LIPA: variants seen among roughly 807,000 people sequenced by gnomAD.
The protein encoded by LIPA is lipase A, lysosomal acid type, also known as lysosomal acid lipase/cholesteryl ester hydrolase.
Under a neutral mutation model 40.6 loss-of-function variants are expected in LIPA, and 26 were observed. The observed-to-expected ratio is 0.64, with a 90% CI of 0.47 to 0.89. The LOEUF (loss-of-function observed/expected upper bound fraction) is 0.89. Ranked by LOEUF, LIPA falls within the 40% of genes least tolerant of loss-of-function variation. The pLI, the probability that LIPA is intolerant of heterozygous loss-of-function variation, is 0.00. For synonymous variants in LIPA, 188 were observed against 168.4 expected (o/e 1.12, Z -0.90); for missense variants, 455 against 479.6 (o/e 0.95, Z 0.48).
intron 2 of LIPA, among the ~76,000 whole-genome samples, chr10:89,246,331 T>C (rs2133465683): frequency 6.6e-6 from 1 of 152,270 alleles, no homozygotes; most frequent in South Asian, 2.1e-4. Context: ...TAAGGAAGGA[T>C]TCATGGGACA....
At chr10:89,230,717 G>A (rs1325019484) in intron 3 of LIPA, among the ~76,000 whole-genome samples, 1 of 152,178 alleles carries the variant, frequency 6.6e-6, no homozygotes, top group Admixed American at 6.5e-5. Context: ...ATTCCCTGAA[G>A]AGTAGAAATG....
chr10:89,314,943 C>T (rs2133528711), intron 1 of LIPA, among the ~76,000 whole-genome samples: 1 of 152,310 alleles, frequency 6.6e-6, no homozygotes, highest in South Asian at 2.1e-4. Context: ...TCTCTGAACT[C>T]CAAAGCAGAA....
intron 2 of LIPA, among the ~76,000 whole-genome samples, chr10:89,354,047 C>T (rs1404823385): frequency 6.6e-6 from 1 of 152,192 alleles, no homozygotes; most frequent in Non-Finnish European, 1.5e-5. Flanking sequence ...TTGCCTCAAT[C>T]TCTCTCTTTG....
intron 2 of LIPA, among the ~76,000 whole-genome samples, chr10:89,395,309 A>G (rs1043280343): frequency 6.6e-6 from 1 of 151,378 alleles, no homozygotes; most frequent in African/African-American, 2.4e-5. Context: ...CAGGAAACCC[A>G]CCTAGGTAAC....
intron 1 of LIPA, among the ~76,000 whole-genome samples, chr10:89,270,394 G>A (rs146229634): frequency 5.1e-4 from 78 of 152,300 alleles, no homozygotes; most frequent in African/African-American, 1.8e-3. Flanking sequence ...AAGTAAGCAG[G>A]AAATAGCAAG....
chr10:89,228,202 G>T lies in LIPA; in HGVS notation c.426C>A (p.Phe142Leu), dbSNP rs1386592782. Residue 142 changes from phenylalanine to leucine, a missense_variant and splice_region_variant, in exon 4 of 10, where the codon TTC becomes TTA. Transcript: ENST00000336233. ...TGCCATTATCAATTCATATATACCTGAAAGCCCAGAATTCATCCTGAGAAA... is the reference window on the plus strand; with the variant it reads ...TGCCATTATCAATTCATATATACCTTAAAGCCCAGAATTCATCCTGAGAAA... ...LSVSQDEFWA[F>L]SYDEMAKYDL... The T allele has an allele frequency of 6.2e-7, 1 of 1,613,196 alleles. No individual in the cohort carries two copies. The highest frequency in any genetic ancestry group is 8.5e-7 in the Non-Finnish European group (1 of 1,179,190).
At chr10:89,403,274 G>A in intron 2 of LIPA, 1 of 1,614,066 alleles carries the variant, frequency 6.2e-7, no homozygotes, top group Non-Finnish European at 8.5e-7. Context: ...AATCTGCAGT[G>A]GAAAAAAAGC....
chr10:89,322,573 C>T (rs1230078632), intron 1 of LIPA, among the ~76,000 whole-genome samples: 1 of 134,702 alleles, frequency 7.4e-6, no homozygotes, highest in Admixed American at 7.6e-5. Context: ...CCACCCCCGA[C>T]CCCACCACCG....
intron 2 of LIPA, among the ~76,000 whole-genome samples, chr10:89,373,701 G>A (rs1213260275): frequency 1.3e-5 from 2 of 152,204 alleles, no homozygotes; most frequent in East Asian, 3.8e-4. Flanking sequence ...ATTAGTCTCT[G>A]ATCCAAAGCA....
chr10:89,399,103 T>C (rs4933505), intron 2 of LIPA, among the ~76,000 whole-genome samples: 2,174 of 152,318 alleles, frequency 0.014, 19 homozygotes, highest in Middle Eastern at 0.044. Context: ...GTGGTTTTTA[T>C]TTGCATTTCA....
At chr10:89,367,166 G>A (rs887903614) in intron 2 of LIPA, among the ~76,000 whole-genome samples, 2 of 140,462 alleles carry the variant, frequency 1.4e-5, no homozygotes, top group Admixed American at 7.1e-5. Flanking sequence ...CACACACCGG[G>A]GCCTGTCGTG....
chr10:89,395,871 G>A (rs1369086336), intron 2 of LIPA, among the ~76,000 whole-genome samples: 2 of 151,200 alleles, frequency 1.3e-5, no homozygotes, highest in East Asian at 1.9e-4. Context: ...TTCATTTAGT[G>A]TAGTGTTGTC....
chr10:89,373,059 C>A (rs546092090), intron 2 of LIPA, among the ~76,000 whole-genome samples: 1 of 152,090 alleles, frequency 6.6e-6, no homozygotes, highest in Non-Finnish European at 1.5e-5. Flanking sequence ...TGGGGCCGGA[C>A]GCGGTGGCTC....
At chr10:89,386,766 A>T (rs1173269756) in intron 2 of LIPA, among the ~76,000 whole-genome samples, 1 of 152,248 alleles carries the variant, frequency 6.6e-6, no homozygotes, top group Non-Finnish European at 1.5e-5. Flanking sequence ...TCTTGGCTGA[A>T]TTCATCACAA....
chr10:89,245,553 A>T (rs1843012534), intron 3 of LIPA, 123 bp downstream of exon 3: 1 of 747,140 alleles, frequency 1.3e-6, no homozygotes, highest in Admixed American at 1.8e-5. Context: ...GCAAACCTCA[A>T]CACAGTTAGT....
chr10:89,287,407 T>C (rs559214795), intron 1 of LIPA, among the ~76,000 whole-genome samples: 1 of 152,312 alleles, frequency 6.6e-6, no homozygotes, highest in Admixed American at 6.5e-5. Flanking sequence ...CAACATTCTT[T>C]TATGCACCCT....
At chr10:89,410,695 T>C (rs1169942238) in intron 2 of LIPA, among the ~76,000 whole-genome samples, 1 of 152,160 alleles carries the variant, frequency 6.6e-6, no homozygotes, top group African/African-American at 2.4e-5. Context: ...CATGCTGCAA[T>C]ATGGAAAGAA....
chr10:89,351,234 T>G (rs749741165), intron 2 of LIPA, among the ~76,000 whole-genome samples: 8 of 152,176 alleles, frequency 5.3e-5, no homozygotes, highest in Non-Finnish European at 1.2e-4. Context: ...GAAGACGGCT[T>G]GAGCCCAGGA....
intron 2 of LIPA, among the ~76,000 whole-genome samples, chr10:89,357,666 G>A (rs914581591): frequency 3.3e-5 from 5 of 152,224 alleles, no homozygotes; most frequent in South Asian, 2.1e-4. Context: ...AGGTTTGAGA[G>A]GAGCTGAATG....
Sources: allele counts gnomAD v4.1 joint callset (sites outside exome capture counted in the v4.1 genomes callset), GRCh38; gene constraint gnomAD v4.1.1; transcripts MANE v1.5; gene names NCBI Gene and HGNC (gene_info 2026-07-23, HGNC 2026-07-21).